IGSF21: variants seen among roughly 807,000 people sequenced by gnomAD.
The protein encoded by IGSF21 is immunoglobin superfamily member 21, also known as immunoglobulin superfamily member 21.
A neutral mutation model predicts 46.8 loss-of-function variants in IGSF21; 28 were observed. That is an observed-to-expected ratio of 0.60 (90% CI 0.44 to 0.82). IGSF21 has a LOEUF of 0.82. Ranked by LOEUF, IGSF21 falls within the 40% of genes least tolerant of loss-of-function variation. The probability of loss-of-function intolerance (pLI) is 0.00; values close to 1 mark genes in which losing one functional copy is unlikely to be tolerated. For missense variants in IGSF21, 624 were observed against 665.5 expected (o/e 0.94, Z 0.69); for synonymous variants, 284 against 273.6 (o/e 1.04, Z -0.38).
intron 3 of IGSF21, among the ~76,000 whole-genome samples, chr1:18,316,207 A>T (rs1208397962): frequency 6.6e-6 from 1 of 152,156 alleles, no homozygotes; most frequent in Non-Finnish European, 1.5e-5. Context: ...GGTGGCGGTT[A>T]GGTGCCCCAG....
chr1:18,118,361 G>A (rs1294346275), intron 1 of IGSF21, among the ~76,000 whole-genome samples: 1 of 152,190 alleles, frequency 6.6e-6, no homozygotes, highest in Admixed American at 6.5e-5. Flanking sequence ...TGGGGGAGGG[G>A]CAGCACAAGC....
chr1:18,135,748 A>T (rs1310548695), intron 1 of IGSF21, among the ~76,000 whole-genome samples: 3 of 152,204 alleles, frequency 2.0e-5, no homozygotes, highest in African/African-American at 7.2e-5. Context: ...TTATAGCAGC[A>T]TGATTTATAA....
At position 18,238,112 on chromosome 1, in the gene IGSF21, C is replaced by A. The variant is rs113050777; in HGVS notation, c.183+10102C>A. Reference sequence around the variant, plus strand: ...ACTCTGTGATGCCCCCATGCCCCAACTGAAAAACCCAGGAAATGCAACAGC... The same window carrying A: ...ACTCTGTGATGCCCCCATGCCCCAAATGAAAAACCCAGGAAATGCAACAGC... On this transcript the variant is annotated intron_variant, in intron 2 of 9. Transcript: ENST00000251296. 2.6e-3 allele frequency among the ~76,000 whole-genome samples: 399 copies of A among 152,256 alleles called. 2 individuals carry two copies. The highest frequency in any genetic ancestry group is 8.8e-3 in the African/African-American group (366 of 41,542).
intron 6 of IGSF21, among the ~76,000 whole-genome samples, chr1:18,366,566 G>A (rs1299585782): frequency 1.3e-5 from 2 of 152,180 alleles, no homozygotes; most frequent in South Asian, 2.1e-4. Context: ...AAACCTGGGA[G>A]GTTGCAGGCT....
intron 2 of IGSF21, among the ~76,000 whole-genome samples, chr1:18,272,949 G>T (rs945967782): frequency 6.6e-6 from 1 of 151,812 alleles, no homozygotes; most frequent in African/African-American, 2.4e-5. Flanking sequence ...TTATGCTCAG[G>T]TGGGAGCTGG....
At position 18,311,883 on chromosome 1, in the gene IGSF21, T is replaced by A. The variant is rs563391783; in HGVS notation, c.305+19896T>A. ...CCCACCGGGCCCCTCCCACAACACA[T>A]GGGAATTATGGGAACTACAATTCAA... On this transcript the variant is annotated intron_variant, in intron 3 of 9. Transcript: ENST00000251296. 7.8e-4 allele frequency among the ~76,000 whole-genome samples: 119 copies of A among 152,296 alleles called. No individual in the cohort carries two copies. The Middle Eastern group carries it at 0.034, about 44-fold the overall frequency.
At chr1:18,354,040 T>G (rs992315948) in intron 4 of IGSF21, among the ~76,000 whole-genome samples, 1 of 152,168 alleles carries the variant, frequency 6.6e-6, no homozygotes, top group African/African-American at 2.4e-5. Context: ...GAACACGCAC[T>G]CTAGTGGGGA....
At chr1:18,232,308 G>T (rs965316084) in intron 2 of IGSF21, among the ~76,000 whole-genome samples, 4 of 147,242 alleles carry the variant, frequency 2.7e-5, no homozygotes, top group Non-Finnish European at 5.9e-5. Context: ...GTTGGGACTT[G>T]GTTCAAGAAA....
At chr1:18,264,444 G>A (rs1188858483) in intron 2 of IGSF21, among the ~76,000 whole-genome samples, 1 of 152,162 alleles carries the variant, frequency 6.6e-6, no homozygotes, top group African/African-American at 2.4e-5. Flanking sequence ...CAACAAGATA[G>A]TCTGTGCCTT....
At chr1:18,225,918 G>C (rs1480549780) in intron 1 of IGSF21, among the ~76,000 whole-genome samples, 1 of 152,228 alleles carries the variant, frequency 6.6e-6, no homozygotes, top group Non-Finnish European at 1.5e-5. Context: ...ACTTGCAGCT[G>C]TGTGATCTGG....
At chr1:18,314,958 G>A (rs1392545155) in intron 3 of IGSF21, among the ~76,000 whole-genome samples, 1 of 152,130 alleles carries the variant, frequency 6.6e-6, no homozygotes, top group Admixed American at 6.5e-5. Context: ...GTGCAGGAGG[G>A]AAAGGGGTTT....
At chr1:18,351,717 G>A (rs2085957719) in intron 4 of IGSF21, among the ~76,000 whole-genome samples, 1 of 152,186 alleles carries the variant, frequency 6.6e-6, no homozygotes, top group South Asian at 2.1e-4. Context: ...GCCCGTGTGT[G>A]TAATACTCAC....
At chr1:18,358,488 TC>T (rs1011449105) in intron 4 of IGSF21, among the ~76,000 whole-genome samples, 59 of 152,320 alleles carry the variant, frequency 3.9e-4, no homozygotes, top group African/African-American at 1.4e-3. Context: ...TTTCAGGTGC[TC>T]CCCAGCCACA....
At chr1:18,230,584 T>A (rs1054212742) in intron 2 of IGSF21, among the ~76,000 whole-genome samples, 6 of 152,028 alleles carry the variant, frequency 3.9e-5, no homozygotes, top group Non-Finnish European at 7.4e-5. Flanking sequence ...TCCTCAGGTC[T>A]CAGGGAGCCC....
intron 6 of IGSF21, among the ~76,000 whole-genome samples, chr1:18,370,266 T>C (rs2086211403): frequency 6.6e-6 from 1 of 152,160 alleles, no homozygotes; most frequent in South Asian, 2.1e-4. Flanking sequence ...ACAAATAGAT[T>C]GACAAAACAG....
intron 2 of IGSF21, among the ~76,000 whole-genome samples, chr1:18,258,719 G>C (rs1396061147): frequency 6.6e-6 from 1 of 152,164 alleles, no homozygotes; most frequent in African/African-American, 2.4e-5. Context: ...ACCTCATTGA[G>C]ACTCAGTTTC....
intron 4 of IGSF21, among the ~76,000 whole-genome samples, chr1:18,353,797 C>A (rs901656867): frequency 2.0e-5 from 3 of 152,224 alleles, no homozygotes; most frequent in Admixed American, 6.5e-5. Flanking sequence ...GTGTGTTTGG[C>A]GCATGGTGAT....
chr1:18,305,325 TGATG>T (rs1002911365), intron 3 of IGSF21, among the ~76,000 whole-genome samples: 4 of 146,316 alleles, frequency 2.7e-5, no homozygotes, highest in African/African-American at 1.1e-4. Flanking sequence ...GATGGATGGA[TGATG>T]GATGGATGGA....
At chr1:18,281,970 C>T (rs969936443) in intron 2 of IGSF21, among the ~76,000 whole-genome samples, 1 of 152,192 alleles carries the variant, frequency 6.6e-6, no homozygotes, top group African/African-American at 2.4e-5. Context: ...GCTCCCAGCT[C>T]TGCGGACTCC....
Sources: allele counts gnomAD v4.1 joint callset (sites outside exome capture counted in the v4.1 genomes callset), GRCh38; gene constraint gnomAD v4.1.1; transcripts MANE v1.5; gene names NCBI Gene and HGNC (gene_info 2026-07-23, HGNC 2026-07-21).